LRRTM4: variants seen among roughly 807,000 people sequenced by gnomAD.
LRRTM4 encodes leucine-rich repeat transmembrane neuronal protein 4.
A neutral mutation model predicts 47.6 loss-of-function variants in LRRTM4; 25 were observed. That is an observed-to-expected ratio of 0.53 (90% CI 0.38 to 0.73). The LOEUF is 0.73. LRRTM4 is among the 30% of genes least tolerant of loss of function. LRRTM4 has a pLI of 0.00. For synonymous variants in LRRTM4, 311 were observed against 269.5 expected, an observed-to-expected ratio of 1.15 and a Z score of -1.51; for missense variants, 638 against 713.4, an observed-to-expected ratio of 0.89 and a Z score of 1.20.
In LRRTM4 at chr2:77,389,705, G is replaced by A. The variant is rs145750541; in HGVS notation, c.1551+128613C>T. ...AAAATGTCTATTTCAAGAAAGCACC[G>A]CCAAATGAGCTAAGAGATGCCTCCC... On this transcript the variant is annotated intron_variant, in intron 3 of 3. Coordinates refer to ENST00000409884, the MANE Select transcript of LRRTM4 (RefSeq NM_001134745.3). 4.8e-3 allele frequency among the ~76,000 whole-genome samples: 735 copies of A among 152,000 alleles called. 2 individuals carry two copies. The highest frequency in any genetic ancestry group is 0.016 in the African/African-American group (678 of 41,492).
chr2:77,010,238 T>C (rs146476872), intron 3 of LRRTM4, among the ~76,000 whole-genome samples: 69 of 152,096 alleles, frequency 4.5e-4, no homozygotes, highest in African/African-American at 1.6e-3. Flanking sequence ...TTGGAATGTA[T>C]TTATTGTGTG....
intron 3 of LRRTM4, among the ~76,000 whole-genome samples, chr2:77,317,030 G>C (rs926861938): frequency 3.1e-4 from 47 of 151,980 alleles, no homozygotes; most frequent in African/African-American, 9.9e-4. Flanking sequence ...TCAAATCATA[G>C]AAAACAAATA....
At chr2:76,864,384 G>T (rs1050585373) in intron 3 of LRRTM4, among the ~76,000 whole-genome samples, 2 of 152,116 alleles carry the variant, frequency 1.3e-5, no homozygotes, top group Admixed American at 6.5e-5. Context: ...TGGGCTGGGC[G>T]TGGTGGCTCA....
chr2:77,430,707 GTGA>G (rs1675337380), intron 3 of LRRTM4, among the ~76,000 whole-genome samples: 1 of 139,174 alleles, frequency 7.2e-6, no homozygotes, highest in Non-Finnish European at 1.5e-5. Context: ...GGCAACAAGA[GTGA>G]AACTCTGTCT....
chr2:76,804,191 G>C (rs1675846182), intron 3 of LRRTM4, among the ~76,000 whole-genome samples: 1 of 152,094 alleles, frequency 6.6e-6, no homozygotes, highest in Non-Finnish European at 1.5e-5. Flanking sequence ...ATGGTCTTGG[G>C]CACCCCTGAC....
At chr2:76,791,565 T>G (rs1674974366) in intron 3 of LRRTM4, among the ~76,000 whole-genome samples, 2 of 152,224 alleles carry the variant, frequency 1.3e-5, no homozygotes, top group East Asian at 3.9e-4. Flanking sequence ...CGGAGAGCAA[T>G]AAATCTCATC....
At chr2:77,061,845 T>C (rs1053379222) in intron 3 of LRRTM4, among the ~76,000 whole-genome samples, 16 of 152,320 alleles carry the variant, frequency 1.1e-4, no homozygotes, top group African/African-American at 3.8e-4. Context: ...CGCTGGATTA[T>C]CATCACTGCC....
intron 3 of LRRTM4, among the ~76,000 whole-genome samples, chr2:76,955,044 C>T (rs189817154): frequency 1.3e-5 from 2 of 151,898 alleles, no homozygotes; most frequent in East Asian, 3.9e-4. Context: ...TGCAGGAGTA[C>T]ATCACCATTA....
At position 77,221,622 on chromosome 2, in the gene LRRTM4, A is replaced by G. The variant is rs540702894; in HGVS notation, c.1551+296696T>C. ...AAGAGACAAAGAAGGCCATTACATA[A>G]TGGTAAAGGGATCAATTCAACAAGA... On this transcript the variant is annotated intron_variant, in intron 3 of 3. Transcript: ENST00000409884. Among the ~76,000 whole-genome samples the G allele has an allele frequency of 4.9e-3, 744 of 152,206 alleles. 6 individuals carry two copies. The highest frequency in any genetic ancestry group is 0.017 in the African/African-American group (706 of 41,520).
chr2:77,178,389 C>T (rs1673256647), intron 3 of LRRTM4, among the ~76,000 whole-genome samples: 2 of 152,090 alleles, frequency 1.3e-5, no homozygotes, highest in Admixed American at 1.3e-4. Flanking sequence ...AGTTCGAGAC[C>T]AGCCTGGCCA....
At chr2:76,780,843 C>T (rs373188604) in intron 3 of LRRTM4, among the ~76,000 whole-genome samples, 22,538 of 126,944 alleles carry the variant, frequency 0.18, 501 homozygotes, top group Non-Finnish European at 0.22. Flanking sequence ...CTCTGCTTTT[C>T]AGAGTTTCCA....
Position 77,029,048 on chromosome 2 carries a change from C to CAA in LRRTM4, c.1552-280133_1552-280132insTT, listed in dbSNP as rs200876952. Among the ~76,000 whole-genome samples, 725 of 131,918 alleles carry CAA rather than the reference C, an allele frequency of 5.5e-3. 8 individuals carry two copies. The highest frequency in any genetic ancestry group is 0.018 in the East Asian group (69 of 3,918). The allele number at this position is 131,918 out of a possible 152,430, so 86.5% of individuals were successfully genotyped here. Reference sequence around the variant, plus strand: ...AGAGTCCATCACACACACACACACACACAAATATATATATATATATATAAT... The same window carrying CAA: ...AGAGTCCATCACACACACACACACACAAACAAATATATATATATATATATAAT... On this transcript the variant is annotated intron_variant, in intron 3 of 3. Coordinates refer to ENST00000409884, the MANE Select transcript of LRRTM4 (RefSeq NM_001134745.3).
chr2:77,383,313 C>T (rs545153001), intron 3 of LRRTM4, among the ~76,000 whole-genome samples: 74 of 152,088 alleles, frequency 4.9e-4, no homozygotes, highest in African/African-American at 1.8e-3. Flanking sequence ...TTTTCTGCTT[C>T]TTCTTACAGA....
At chr2:77,059,974 T>C (rs182233651) in intron 3 of LRRTM4, among the ~76,000 whole-genome samples, 26 of 152,314 alleles carry the variant, frequency 1.7e-4, no homozygotes, top group African/African-American at 6.3e-4. Flanking sequence ...ATCTGCTTTG[T>C]TTTTAGAGGC....
At chr2:76,928,799 G>C (rs1005771789) in intron 3 of LRRTM4, among the ~76,000 whole-genome samples, 1 of 151,938 alleles carries the variant, frequency 6.6e-6, no homozygotes, top group Admixed American at 6.6e-5. Flanking sequence ...TTCCTTTATT[G>C]ATTTACACTG....
chr2:77,136,061 A>G (rs1396934080), intron 3 of LRRTM4, among the ~76,000 whole-genome samples: 3 of 152,104 alleles, frequency 2.0e-5, no homozygotes, highest in African/African-American at 7.2e-5. Flanking sequence ...TTCAGTCTAC[A>G]GCTCCCAGCC....
rs369204945 is a variant in LRRTM4 at position 77,474,304 on chromosome 2, G to A, written c.1551+44014C>T. Among the ~76,000 whole-genome samples the A allele has an allele frequency of 2.9e-4, 44 of 152,106 alleles. No homozygotes were observed. The East Asian group carries it at 3.5e-3, about 12-fold the overall frequency. Reference sequence around the variant, plus strand: ...AAAGACATTCAGTAGATTTTGAGGCGTCTGTCTGGGGCTGTCACTATTTAT... The same window carrying A: ...AAAGACATTCAGTAGATTTTGAGGCATCTGTCTGGGGCTGTCACTATTTAT... On this transcript the variant is annotated intron_variant, in intron 3 of 3. Coordinates refer to ENST00000409884, the MANE Select transcript of LRRTM4 (RefSeq NM_001134745.3).
intron 3 of LRRTM4, among the ~76,000 whole-genome samples, chr2:77,286,091 T>C (rs1676650550): frequency 6.6e-6 from 1 of 152,108 alleles, no homozygotes; most frequent in Admixed American, 6.6e-5. Flanking sequence ...TTTGGATAGA[T>C]TCATCTTCTA....
At chr2:76,783,494 C>A (rs543241670) in intron 3 of LRRTM4, among the ~76,000 whole-genome samples, 5 of 152,078 alleles carry the variant, frequency 3.3e-5, no homozygotes, top group Non-Finnish European at 5.9e-5. Context: ...CTCCAGAACT[C>A]TTCATCTCAA....
Sources: gnomAD v4.1 joint callset for allele counts (sites outside exome capture counted in the v4.1 genomes callset) on GRCh38, gnomAD v4.1.1 for gene constraint, MANE v1.5 for transcripts, NCBI Gene and HGNC (gene_info 2026-07-23, HGNC 2026-07-21) for gene names.